GPC6: variants seen among roughly 807,000 people sequenced by gnomAD.
GPC6 encodes the protein glypican-6.
In GPC6, 14 loss-of-function variants were observed where a neutral mutation model predicts 55.2. The observed-to-expected ratio is 0.25, with a 90% CI of 0.17 to 0.40. The LOEUF is 0.40. Ranked by LOEUF, GPC6 falls within the 10% of genes least tolerant of loss-of-function variation. GPC6 has a pLI of 1.00. For missense variants in GPC6, 641 were observed against 708.5 expected, an observed-to-expected ratio of 0.90 and a Z score of 1.08; for synonymous variants, 278 against 259.6, an observed-to-expected ratio of 1.07 and a Z score of -0.68.
intron 2 of GPC6, among the ~76,000 whole-genome samples, chr13:93,574,041 G>A (rs1876542582): frequency 6.6e-6 from 1 of 152,108 alleles, no homozygotes; most frequent in Admixed American, 6.6e-5. Context: ...AATGGCATAT[G>A]TTCAAGTATC....
intron 7 of GPC6, among the ~76,000 whole-genome samples, chr13:94,390,620 A>G (rs191894324): frequency 6.6e-6 from 1 of 152,296 alleles, no homozygotes; most frequent in East Asian, 1.9e-4. Context: ...ACAACACCAA[A>G]GGGGAAACCC....
At chr13:93,385,175 C>T (rs959567422) in intron 1 of GPC6, among the ~76,000 whole-genome samples, 11 of 152,150 alleles carry the variant, frequency 7.2e-5, no homozygotes, top group African/African-American at 2.2e-4. Flanking sequence ...GAACCAGACA[C>T]GCAAAGAGAG....
At chr13:93,409,068 G>A (rs913176115) in intron 1 of GPC6, among the ~76,000 whole-genome samples, 1 of 151,882 alleles carries the variant, frequency 6.6e-6, no homozygotes, top group Non-Finnish European at 1.5e-5. Context: ...TCAGACTGGA[G>A]GGAAGTAAAA....
rs1272497726 is a variant in GPC6, at chr13:94,370,387, G to C, written c.1153-12027G>C. 3.9e-5 allele frequency among the ~76,000 whole-genome samples: 6 copies of C among 152,144 alleles called. No homozygotes were observed. The East Asian group carries it at 1.2e-3, about 29-fold the overall frequency. ...TTGCTTAGCTAGGACTATAATGTTT[G>C]TTCCTTGTCTGTTACCCCTACTAGG... On this transcript the variant is annotated intron_variant, in intron 6 of 8. Coordinates refer to ENST00000377047, the MANE Select transcript of GPC6 (RefSeq NM_005708.5).
intron 2 of GPC6, among the ~76,000 whole-genome samples, chr13:93,804,609 T>C (rs769411026): frequency 2.6e-5 from 4 of 152,196 alleles, no homozygotes; most frequent in Non-Finnish European, 5.9e-5. Context: ...TCTTTTGTAC[T>C]CCAAGGTAGT....
intron 1 of GPC6, among the ~76,000 whole-genome samples, chr13:93,326,456 G>GCACACGCA (rs1555291052): frequency 6.6e-6 from 1 of 151,544 alleles, no homozygotes; most frequent in South Asian, 2.1e-4. Context: ...ACACGCACAC[G>GCACACGCA]CACACACACA....
At chr13:94,127,268 T>C (rs185153992) in intron 4 of GPC6, among the ~76,000 whole-genome samples, 24 of 152,210 alleles carry the variant, frequency 1.6e-4, no homozygotes, top group Admixed American at 1.2e-3. Flanking sequence ...TAATCCCCAA[T>C]GCTGGAGGTG....
intron 2 of GPC6, among the ~76,000 whole-genome samples, chr13:93,638,282 G>A (rs1879778810): frequency 6.6e-6 from 1 of 152,078 alleles, no homozygotes; most frequent in South Asian, 2.1e-4. Flanking sequence ...CTCTGCTGAG[G>A]CATAGCCCTT....
chr13:94,405,986 T>C lies in GPC6; in HGVS notation c.*2769T>C, dbSNP rs980832678. The stretch of plus-strand genomic sequence containing the variant: ...TCAACCCTCGAATTATTTTTTCTCA[T>C]TTCAGCATAGTGATAGGGGATGCAA... On this transcript the variant is annotated 3_prime_UTR_variant, in exon 9 of 9. Transcript: ENST00000377047. 3.3e-5 allele frequency: 5 copies of C among 152,192 alleles called. No individual in the cohort carries two copies. The highest frequency in any genetic ancestry group is 9.6e-5 in the African/African-American group (4 of 41,464). 9.4% of individuals were successfully genotyped at this position (152,192 alleles called of 1,614,324 possible). A position where few individuals can be genotyped will look rare whatever the true frequency, so the allele number is the denominator to read the frequency against.
intron 1 of GPC6, among the ~76,000 whole-genome samples, chr13:93,530,767 C>G (rs191361419): frequency 2.0e-5 from 3 of 152,222 alleles, no homozygotes; most frequent in East Asian, 3.9e-4. Context: ...AATAGTTATA[C>G]TCTTGATATC....
At chr13:94,197,377 C>T (rs1359396220) in intron 4 of GPC6, among the ~76,000 whole-genome samples, 1 of 152,190 alleles carries the variant, frequency 6.6e-6, no homozygotes, top group Non-Finnish European at 1.5e-5. Context: ...GCTGCTATAA[C>T]AAAATACCAC....
chr13:93,847,321 G>T (rs1372813463), intron 3 of GPC6, among the ~76,000 whole-genome samples: 1 of 152,058 alleles, frequency 6.6e-6, no homozygotes. Flanking sequence ...ATAAATAAAT[G>T]CCCAATTATG....
At chr13:94,205,438 A>T (rs940653627) in intron 4 of GPC6, among the ~76,000 whole-genome samples, 1 of 152,216 alleles carries the variant, frequency 6.6e-6, no homozygotes, top group East Asian at 1.9e-4. Context: ...CTTGTTTAAG[A>T]AAATAAGAAG....
At chr13:93,240,529 C>T (rs1446993914) in intron 1 of GPC6, among the ~76,000 whole-genome samples, 1 of 151,968 alleles carries the variant, frequency 6.6e-6, no homozygotes, top group African/African-American at 2.4e-5. Flanking sequence ...CTATAAGAAT[C>T]TTTACAAGTT....
At chr13:93,248,563 G>T (rs1027702629) in intron 1 of GPC6, among the ~76,000 whole-genome samples, 1 of 151,980 alleles carries the variant, frequency 6.6e-6, no homozygotes, top group East Asian at 1.9e-4. Flanking sequence ...TCTTCATTCA[G>T]GGTGACAATT....
chr13:93,654,657 G>A (rs1880574573), intron 2 of GPC6, among the ~76,000 whole-genome samples: 1 of 152,092 alleles, frequency 6.6e-6, no homozygotes, highest in Non-Finnish European at 1.5e-5. Context: ...TATGATTTCT[G>A]TAGTTAGAAC....
intron 2 of GPC6, among the ~76,000 whole-genome samples, chr13:93,718,958 C>A (rs571486648): frequency 9.9e-5 from 15 of 151,874 alleles, no homozygotes; most frequent in Non-Finnish European, 2.1e-4. Context: ...GTTTTGGTAC[C>A]ATTACCAAGC....
chr13:93,380,114 C>G (rs1372927110), intron 1 of GPC6, among the ~76,000 whole-genome samples: 1 of 152,012 alleles, frequency 6.6e-6, no homozygotes, highest in African/African-American at 2.4e-5. Flanking sequence ...AAATATCTCT[C>G]TGATTGTCTA....
chr13:93,402,622 A>G (rs1367611805), intron 1 of GPC6, among the ~76,000 whole-genome samples: 8 of 152,166 alleles, frequency 5.3e-5, no homozygotes, highest in Admixed American at 3.3e-4. Context: ...CAGTAGCCAT[A>G]TGTGCCTTGA....
Sources: allele counts gnomAD v4.1 joint callset (sites outside exome capture counted in the v4.1 genomes callset), GRCh38; gene constraint gnomAD v4.1.1; transcripts MANE v1.5; gene names NCBI Gene and HGNC (gene_info 2026-07-23, HGNC 2026-07-21).